The following BMPR2 variants were observed in gnomAD, a reference collection of about 807,000 sequenced individuals.
BMPR2 encodes the protein bone morphogenetic protein receptor type-2.
Under a neutral mutation model 100.8 loss-of-function variants are expected in BMPR2, and 29 were observed. That is an observed-to-expected ratio of 0.29 (90% CI 0.21 to 0.39). The LOEUF (loss-of-function observed/expected upper bound fraction) is 0.39, where lower values mean the gene tolerates loss of function less well. BMPR2 is among the 10% of genes least tolerant of loss of function. BMPR2 has a pLI of 1.00. For synonymous variants in BMPR2, 382 were observed against 442.3 expected (o/e 0.86, Z 1.71); for missense variants, 1,011 against 1,274.5 (o/e 0.79, Z 3.15).
intron 1 of BMPR2, among the ~76,000 whole-genome samples, chr2:202,408,290 T>G (rs996243718): frequency 3.3e-5 from 5 of 152,252 alleles, no homozygotes; most frequent in African/African-American, 7.2e-5. Flanking sequence ...CAGTTTTAGG[T>G]GGCAAAATAA....
intron 1 of BMPR2, among the ~76,000 whole-genome samples, chr2:202,399,517 G>A (rs1574427925): frequency 6.6e-6 from 1 of 152,188 alleles, no homozygotes; most frequent in African/African-American, 2.4e-5. Flanking sequence ...TAGTAAAGAT[G>A]AAGTTTGAAT....
intron 1 of BMPR2, among the ~76,000 whole-genome samples, chr2:202,450,181 G>C (rs1691947837): frequency 1.3e-5 from 2 of 152,092 alleles, no homozygotes; most frequent in African/African-American, 4.8e-5. Context: ...TGAATTCTGT[G>C]GGTCTCAGGG....
intron 3 of BMPR2, among the ~76,000 whole-genome samples, chr2:202,502,394 C>T (rs950207931): frequency 6.6e-6 from 1 of 150,960 alleles, no homozygotes; most frequent in Non-Finnish European, 1.5e-5. Context: ...AGAGAAGAGA[C>T]AAAGAAGTCA....
chr2:202,444,177 C>T (rs1349708809), intron 1 of BMPR2, among the ~76,000 whole-genome samples: 4 of 150,640 alleles, frequency 2.7e-5, no homozygotes, highest in Non-Finnish European at 5.9e-5. Context: ...GATTATTTGT[C>T]ATTTACAATA....
intron 1 of BMPR2, among the ~76,000 whole-genome samples, chr2:202,415,832 A>T (rs1391852743): frequency 3.9e-5 from 6 of 152,236 alleles, no homozygotes; most frequent in Non-Finnish European, 8.8e-5. Context: ...TCTGATGTAG[A>T]TGTATAAGGA....
chr2:202,435,939 TAAC>T (rs1691606339), intron 1 of BMPR2, among the ~76,000 whole-genome samples: 1 of 150,692 alleles, frequency 6.6e-6, no homozygotes, highest in Admixed American at 6.6e-5. Flanking sequence ...TGAAGTCACC[TAAC>T]AACAAATTTC....
At chr2:202,473,248 C>T (rs1692471471) in intron 3 of BMPR2, among the ~76,000 whole-genome samples, 1 of 151,834 alleles carries the variant, frequency 6.6e-6, no homozygotes, top group Non-Finnish European at 1.5e-5. Flanking sequence ...GTCTGGGCAA[C>T]ATGGAGAAAC....
chr2:202,546,700 T>C (rs1054659646), intron 10 of BMPR2, among the ~76,000 whole-genome samples: 3 of 152,058 alleles, frequency 2.0e-5, no homozygotes, highest in African/African-American at 7.2e-5. Context: ...GCCTCCTGGG[T>C]TCAAGCGATT....
chr2:202,543,197 TATATATATTTATATAC>T (rs1559070510), intron 10 of BMPR2, among the ~76,000 whole-genome samples: 1 of 146,470 alleles, frequency 6.8e-6, no homozygotes, highest in African/African-American at 2.5e-5. Context: ...AAAGCATATA[TATATATATTTATATAC>T]ATATATATTT....
At chr2:202,435,384 T>TAC (rs1363811858) in intron 1 of BMPR2, among the ~76,000 whole-genome samples, 2 of 133,674 alleles carry the variant, frequency 1.5e-5, no homozygotes, top group Admixed American at 7.3e-5. Flanking sequence ...TACATATATA[T>TAC]ATATATATAT....
chr2:202,525,793 T>C (rs1237093304), intron 7 of BMPR2, among the ~76,000 whole-genome samples: 4 of 151,506 alleles, frequency 2.6e-5, no homozygotes. Flanking sequence ...TGTAGTTATA[T>C]TCCCTGTTGT....
intron 3 of BMPR2, among the ~76,000 whole-genome samples, chr2:202,488,220 A>C (rs1219329057): frequency 6.6e-6 from 1 of 152,120 alleles, no homozygotes; most frequent in African/African-American, 2.4e-5. Flanking sequence ...ATAAAGGTGA[A>C]TATGTCAGGA....
At chr2:202,461,390 A>G (rs1230697516) in intron 1 of BMPR2, among the ~76,000 whole-genome samples, 1 of 152,148 alleles carries the variant, frequency 6.6e-6, no homozygotes, top group Non-Finnish European at 1.5e-5. Flanking sequence ...AGGCTGAGGC[A>G]GGAGAATGGC....
chr2:202,416,293 G>T (rs1256913964), intron 1 of BMPR2, among the ~76,000 whole-genome samples: 1 of 151,826 alleles, frequency 6.6e-6, no homozygotes, highest in South Asian at 2.1e-4. Flanking sequence ...TTCAGAAAGG[G>T]TCTCACTCTT....
In BMPR2 at chr2:202,564,168, GA is replaced by G. The variant is rs1688718429; in HGVS notation, c.*4227del. 6.6e-6 allele frequency: 1 copy of G among 152,162 alleles called. No homozygotes were observed. Among genetic ancestry groups the G allele is most frequent in the African/African-American group, 2.4e-5 (1 of 41,440 alleles). 9.4% of individuals were successfully genotyped at this position (152,162 alleles called of 1,614,324 possible). ...TGCCTCCTGAAAGTCATTTAAAATG[GA>G]AAAATATTTCAATGAGCTTTTCCTT... is the stretch of plus-strand genomic sequence containing the variant. On this transcript the variant is annotated 3_prime_UTR_variant, in exon 13 of 13. Transcript: ENST00000374580.
rs969913869 is a variant in BMPR2 at position 202,377,354 on chromosome 2, T to A, written c.-121T>A. The A allele has an allele frequency of 2.1e-6, 2 of 944,994 alleles. No homozygotes were observed. Among genetic ancestry groups the A allele is most frequent in the African/African-American group, 3.2e-5 (2 of 62,012 alleles). 58.5% of individuals were successfully genotyped at this position (944,994 alleles called of 1,614,324 possible). A position where few individuals can be genotyped will look rare whatever the true frequency, so the allele number is the denominator to read the frequency against. Reference sequence around the variant, plus strand: ...TCATCAGCCATTTGTCCTTTCAAACTGTATTGTGATACGGGCAGGATCAGT... The same window carrying A: ...TCATCAGCCATTTGTCCTTTCAAACAGTATTGTGATACGGGCAGGATCAGT... On this transcript the variant is annotated 5_prime_UTR_variant, in exon 1 of 13. Coordinates refer to ENST00000374580, the MANE Select transcript of BMPR2 (RefSeq NM_001204.7).
At chr2:202,448,926 T>G (rs1271461783) in intron 1 of BMPR2, among the ~76,000 whole-genome samples, 12 of 63,018 alleles carry the variant, frequency 1.9e-4, no homozygotes, top group African/African-American at 5.9e-4. Flanking sequence ...TTAGAATTGG[T>G]GTGTGTGTGT....
chr2:202,458,203 TC>T (rs778784974), intron 1 of BMPR2, among the ~76,000 whole-genome samples: 6 of 143,646 alleles, frequency 4.2e-5, no homozygotes, highest in Admixed American at 1.5e-4. Context: ...TCCCAGCACT[TC>T]CGGAGGCCAA....
rs1024941871 is a variant in BMPR2, at chr2:202,393,134, G to A, written c.76+15584G>A. On this transcript the variant is annotated intron_variant, in intron 1 of 12. Coordinates refer to ENST00000374580, the MANE Select transcript of BMPR2 (RefSeq NM_001204.7). ...TTAGAACCTAGTCTCTGCAGTTGGTGTATGGAAATACATAGCATAAACTGG... is the reference window on the plus strand; with the variant it reads ...TTAGAACCTAGTCTCTGCAGTTGGTATATGGAAATACATAGCATAAACTGG... 5.9e-5 allele frequency among the ~76,000 whole-genome samples: 9 copies of A among 152,102 alleles called. No homozygotes were observed. In the East Asian group the frequency reaches 7.7e-4, roughly 13 times the overall value.
Sources: allele counts gnomAD v4.1 joint callset (sites outside exome capture counted in the v4.1 genomes callset), GRCh38; gene constraint gnomAD v4.1.1; transcripts MANE v1.5; gene names NCBI Gene and HGNC (gene_info 2026-07-23, HGNC 2026-07-21).